Variants in BCAS4 observed in about 807,000 individuals in gnomAD.
The protein encoded by BCAS4 is breast carcinoma amplified sequence 4.
BCAS4 carries 9 observed loss-of-function variants against 15.7 expected under a neutral mutation model. The ratio of observed to expected loss-of-function variants is 0.57; its 90% confidence interval spans 0.34 to 1.00. The LOEUF is 1.00. Ranked by LOEUF, BCAS4 falls within the 50% of genes least tolerant of loss-of-function variation. BCAS4 has a pLI of 0.02. For missense variants in BCAS4, 225 were observed against 239.1 expected (o/e 0.94, Z 0.39); for synonymous variants, 101 against 99.5 (o/e 1.02, Z -0.09).
chr20:50,829,070 C>T (rs960836535), intron 2 of BCAS4, among the ~76,000 whole-genome samples: 4 of 152,134 alleles, frequency 2.6e-5, no homozygotes, highest in African/African-American at 4.8e-5. Flanking sequence ...TAGCCTGACT[C>T]CTTAGTCCAG....
At chr20:50,830,234 CAG>C in intron 2 of BCAS4, 43 bp from the exon 3 acceptor site, 1 of 1,523,864 alleles carries the variant, frequency 6.6e-7, no homozygotes, top group South Asian at 1.1e-5. Flanking sequence ...CAGGAGGACA[CAG>C]TGATGGGGCA....
At chr20:50,857,373 C>T (rs936610873) in intron 4 of BCAS4, among the ~76,000 whole-genome samples, 2 of 152,262 alleles carry the variant, frequency 1.3e-5, no homozygotes, top group Middle Eastern at 3.4e-3. Context: ...TCAGGTGATC[C>T]GCCTGCCTCA....
At chr20:50,855,581 G>A (rs2123828137) in intron 4 of BCAS4, among the ~76,000 whole-genome samples, 2 of 152,252 alleles carry the variant, frequency 1.3e-5, no homozygotes, top group South Asian at 4.1e-4. Flanking sequence ...CAGACTGGAA[G>A]GGGAAGGGGA....
intron 3 of BCAS4, among the ~76,000 whole-genome samples, chr20:50,833,383 C>G (rs1425111179): frequency 6.6e-6 from 1 of 152,170 alleles, no homozygotes; most frequent in Non-Finnish European, 1.5e-5. Flanking sequence ...GGGCACACAC[C>G]CCAGAGCCAG....
At chr20:50,876,022 C>T (rs901588705) in intron 4 of BCAS4, 4 of 456,156 alleles carry the variant, frequency 8.8e-6, no homozygotes, top group African/African-American at 8.0e-5. Flanking sequence ...ACAATCCCAG[C>T]TCGCTGCAAC....
intron 4 of BCAS4, among the ~76,000 whole-genome samples, chr20:50,869,809 C>T (rs1365749255): frequency 8.5e-5 from 11 of 129,934 alleles, no homozygotes; most frequent in Admixed American, 1.9e-4. Flanking sequence ...AGTGCAGTGG[C>T]GTGATCTCAG....
chr20:50,871,442 C>T (rs1259435193), intron 4 of BCAS4, among the ~76,000 whole-genome samples: 1 of 152,226 alleles, frequency 6.6e-6, no homozygotes, highest in African/African-American at 2.4e-5. Flanking sequence ...CCTCACACAC[C>T]AGCCCTTACC....
intron 4 of BCAS4, among the ~76,000 whole-genome samples, chr20:50,858,019 C>G (rs1270675098): frequency 1.3e-5 from 2 of 152,134 alleles, no homozygotes; most frequent in African/African-American, 2.4e-5. Context: ...CCCTCTTAGC[C>G]TGCTTGTCTG....
intron 3 of BCAS4, among the ~76,000 whole-genome samples, chr20:50,835,788 C>T (rs972788346): frequency 2.0e-5 from 3 of 152,132 alleles, no homozygotes; most frequent in East Asian, 1.9e-4. Context: ...CACCCCTGCA[C>T]GTCTGCTTTC....
At chr20:50,869,324 C>A (rs2122674197) in intron 4 of BCAS4, among the ~76,000 whole-genome samples, 1 of 152,312 alleles carries the variant, frequency 6.6e-6, no homozygotes, top group Middle Eastern at 3.4e-3. Context: ...AGGCTTCAGG[C>A]TCAGAGGGGC....
chr20:50,813,959 C>T (rs1007430295), intron 1 of BCAS4, among the ~76,000 whole-genome samples: 3 of 152,036 alleles, frequency 2.0e-5, no homozygotes, highest in Non-Finnish European at 2.9e-5. Context: ...CGAAGAACAG[C>T]GAGGGCATTC....
chr20:50,815,714 G>A (rs1163616359), intron 1 of BCAS4, among the ~76,000 whole-genome samples: 1 of 152,096 alleles, frequency 6.6e-6, no homozygotes, highest in African/African-American at 2.4e-5. Context: ...ATGTTTTTTT[G>A]TGCAGTCGTT....
intron 4 of BCAS4, among the ~76,000 whole-genome samples, chr20:50,868,746 C>T (rs1030457450): frequency 1.3e-5 from 2 of 152,194 alleles, no homozygotes; most frequent in Non-Finnish European, 2.9e-5. Context: ...CTAAATAACC[C>T]GGGCTTGAGT....
intron 3 of BCAS4, among the ~76,000 whole-genome samples, chr20:50,837,541 A>G (rs553622951): frequency 1.3e-5 from 2 of 152,200 alleles, no homozygotes; most frequent in African/African-American, 2.4e-5. Flanking sequence ...GAAGAGGAAA[A>G]TATGCAGAAA....
At chr20:50,818,571 C>G (rs1287169144) in intron 2 of BCAS4, among the ~76,000 whole-genome samples, 8 of 152,234 alleles carry the variant, frequency 5.3e-5, no homozygotes, top group Non-Finnish European at 1.2e-4. Context: ...CAAGGTGGCA[C>G]TCTCGGGCAC....
chr20:50,795,183 G>A lies in BCAS4; in HGVS notation c.90+10G>A, dbSNP rs994713212. 25 of 1,412,160 alleles carry A rather than the reference G, an allele frequency of 1.8e-5. No homozygotes were observed. The Admixed American group carries it at 4.3e-4, about 24-fold the overall frequency. The allele number at this position is 1,412,160 out of a possible 1,614,324, so 87.5% of individuals were successfully genotyped here. A position where few individuals can be genotyped will look rare whatever the true frequency, so the allele number is the denominator to read the frequency against. On this transcript the variant is annotated intron_variant, in intron 1 of 4. Transcript: ENST00000371608. The stretch of plus-strand genomic sequence containing the variant: ...CGAGCCTGGGGCCGAGGTAGGGGAC[G>A]GGGCTGTGGAGTTGGAGGAGAGGGT...
At chr20:50,874,324 C>T (rs1217654714) in intron 4 of BCAS4, among the ~76,000 whole-genome samples, 1 of 152,212 alleles carries the variant, frequency 6.6e-6, no homozygotes, top group Non-Finnish European at 1.5e-5. Flanking sequence ...CGGCCTGGAA[C>T]ACCGGCCCTT....
chr20:50,851,610 G>C lies in BCAS4; in HGVS notation c.399+9710G>C, dbSNP rs1213125353. Among the ~76,000 whole-genome samples the C allele has an allele frequency of 1.3e-5, 2 of 152,164 alleles. No individual in the cohort carries two copies. The highest frequency in any genetic ancestry group is 2.9e-5 in the Non-Finnish European group (2 of 68,032). On this transcript the variant is annotated intron_variant, in intron 4 of 4. Coordinates refer to ENST00000371608, the MANE Select transcript of BCAS4 (RefSeq NM_198799.4). This position sits in a 1 kb window ranked among gnomAD's most constrained non-coding sequence, Gnocchi z 4.3. ...GCACCCCAACTTTGCCCTGGTTGGT[G>C]GGACCCTCAACATGCCCTTCTCTCA...
At chr20:50,803,524 T>C (rs1258343261) in intron 1 of BCAS4, among the ~76,000 whole-genome samples, 4 of 152,156 alleles carry the variant, frequency 2.6e-5, no homozygotes, top group Admixed American at 2.6e-4. Context: ...TTACAAACTT[T>C]GGCATAATTT....
Sources: gnomAD v4.1 joint callset for allele counts (sites outside exome capture counted in the v4.1 genomes callset) on GRCh38, gnomAD v4.1.1 for gene constraint, Gnocchi (gnomAD v3.1) non-coding constraint, MANE v1.5 for transcripts, NCBI Gene and HGNC (gene_info 2026-07-23, HGNC 2026-07-21) for gene names.